Variants in CST1 observed in about 807,000 individuals in gnomAD.
CST1 encodes the protein cystatin-SN.
CST1 carries 19 observed loss-of-function variants against 10.7 expected under a neutral mutation model. The ratio of observed to expected loss-of-function variants is 1.78; its 90% CI spans 1.24 to 2.61. The LOEUF is 2.61. CST1 is among the 30% of genes most tolerant of loss of function. The pLI is 0.00. For missense variants in CST1, 247 were observed against 178.1 expected, an observed-to-expected ratio of 1.39 and a Z score of -2.20; for synonymous variants, 95 against 72.8, an observed-to-expected ratio of 1.31 and a Z score of -1.55.
In CST1 at chr20:23,747,784, G is replaced by A. The variant is rs761064278; in HGVS notation, c.*32C>T. ...AGCACTACAGGGGGTGGGAGTGGGT[G>A]GTGGCTGGTGCGAATGGCCTGGCAC... On this transcript the variant is annotated 3_prime_UTR_variant, in exon 3 of 3. Transcript: ENST00000304749. The A allele has an allele frequency of 2.5e-6, 4 of 1,603,070 alleles. No individual in the cohort carries two copies. The highest frequency in any genetic ancestry group is 3.4e-6 in the Non-Finnish European group (4 of 1,170,586).
At chr20:23,750,437 G>T (rs942759164) in intron 1 of CST1, among the ~76,000 whole-genome samples, 2 of 152,246 alleles carry the variant, frequency 1.3e-5, no homozygotes, top group African/African-American at 4.8e-5. Flanking sequence ...AGTGGCTGCT[G>T]CAGGTTAAAG....
At chr20:23,749,892 G>A (rs1300453692) in intron 1 of CST1, among the ~76,000 whole-genome samples, 1 of 147,458 alleles carries the variant, frequency 6.8e-6, no homozygotes, top group African/African-American at 2.5e-5. Context: ...AGCCCCAGCT[G>A]ACAGCTGCAA....
At chr20:23,750,121 C>A (rs1263608454) in intron 1 of CST1, among the ~76,000 whole-genome samples, 1 of 152,020 alleles carries the variant, frequency 6.6e-6, no homozygotes, top group Non-Finnish European at 1.5e-5. Flanking sequence ...CTGGTAGAGG[C>A]AGGGTCAGGC....
chr20:23,749,156 G>A lies in CST1; in HGVS notation c.229-27C>T, dbSNP rs200524765. ...TGCACACAGGAGAAAACAGGACAGCGCCCCCATCAGTTCATGCACTCACAG... is the reference window on the plus strand; with the variant it reads ...TGCACACAGGAGAAAACAGGACAGCACCCCCATCAGTTCATGCACTCACAG... On this transcript the variant is annotated intron_variant, in intron 1 of 2. Coordinates refer to ENST00000304749, the MANE Select transcript of CST1 (RefSeq NM_001898.3). 5.0e-4 allele frequency: 812 copies of A among 1,609,548 alleles called. 4 individuals carry two copies. The highest frequency in any genetic ancestry group is 5.1e-4 in the South Asian group (46 of 90,900).
chr20:23,748,497 G>C (rs4343536), intron 2 of CST1, among the ~76,000 whole-genome samples: 111,511 of 151,998 alleles, frequency 0.73, 41,638 homozygotes, highest in African/African-American at 0.87. Context: ...GGTGCCTGAG[G>C]CTGGGATTAG....
At position 23,750,372 on chromosome 20, in the gene CST1, G is replaced by T. The variant is rs971950976; in HGVS notation, c.228+267C>A. Among the ~76,000 whole-genome samples, 9 of 152,300 alleles carry T rather than the reference G, an allele frequency of 5.9e-5. No individual in the cohort carries two copies. In the South Asian group the frequency reaches 1.0e-3, roughly 18 times the overall value. On this transcript the variant is annotated intron_variant, in intron 1 of 2. Transcript: ENST00000304749. ...ATCAAGCCCACCCAGAGTAAGCACA[G>T]TCTCCATCCACACCTGCTGGACCCT...
In CST1 at chr20:23,750,842, G is replaced by T; in HGVS notation, c.25C>A (p.Leu9Met). The T allele has an allele frequency of 6.2e-7, 1 of 1,613,254 alleles. No homozygotes were observed. Among genetic ancestry groups the T allele is most frequent in the Non-Finnish European group, 8.5e-7 (1 of 1,179,610 alleles). Reference sequence around the variant, plus strand: ...ACAGCTAGGGTGGCCAGCAGGAGCAGCAGGGTACTCAGATACTGGGCCATG... The same window carrying T: ...ACAGCTAGGGTGGCCAGCAGGAGCATCAGGGTACTCAGATACTGGGCCATG... MAQYLSTL[L>M]LLLATLAVAL... The change falls in exon 1 of 3, where the codon CTG becomes ATG. Residue 9 changes from leucine to methionine, a missense_variant. By Grantham distance (15) the Leu-to-Met change is conservative. Transcript: ENST00000304749.
chr20:23,750,881 C>A lies in CST1; in HGVS notation c.-15G>T, dbSNP rs571670080. On this transcript the variant is annotated 5_prime_UTR_variant, in exon 1 of 3. Transcript: ENST00000304749. ...TACTGGGCCATGGTCTCCTCAGAGGCAGAGCACAAAGCTGGAGCTGCAGGA... is the reference window on the plus strand; with the variant it reads ...TACTGGGCCATGGTCTCCTCAGAGGAAGAGCACAAAGCTGGAGCTGCAGGA... The A allele has an allele frequency of 6.3e-7, 1 of 1,593,186 alleles. No homozygotes were observed. Among genetic ancestry groups the A allele is most frequent in the South Asian group, 1.1e-5 (1 of 88,576 alleles).
chr20:23,749,934 G>C (rs1484798244), intron 1 of CST1, among the ~76,000 whole-genome samples: 2 of 150,748 alleles, frequency 1.3e-5, no homozygotes, highest in Non-Finnish European at 1.5e-5. Flanking sequence ...GGATTCCTTT[G>C]AATTTCCAGG....
At position 23,750,738 on chromosome 20, in the gene CST1, C is replaced by A. The variant is rs140613927; in HGVS notation, c.129G>T (p.Trp43Cys). 1 of 1,614,144 alleles carries A rather than the reference C, an allele frequency of 6.2e-7. No homozygotes were observed. The highest frequency in any genetic ancestry group is 1.7e-5 in the Admixed American group (1 of 60,028). Residue 43 changes from tryptophan (W) to cysteine (C), a missense_variant, in exon 1 of 3, where the codon TGG becomes TGT. Physicochemically the swap from Trp to Cys is radical, Grantham distance 215. Transcript: ENST00000304749. ...TGGCGAAGTGAAGGGCACGCTGTAC[C>A]CACTCATCATTGAGGTCTGCGTTAT... ...GIYNADLNDE[W>C]VQRALHFAIS...
intron 2 of CST1, 121 bp from the exon 3 acceptor site, chr20:23,748,020 A>C: frequency 1.1e-6 from 1 of 919,914 alleles, no homozygotes; most frequent in Non-Finnish European, 1.7e-6. Context: ...GCCCTCACCC[A>C]CCCCTACTGA....
chr20:23,748,535 A>C (rs899241406), intron 2 of CST1, among the ~76,000 whole-genome samples: 3 of 152,110 alleles, frequency 2.0e-5, no homozygotes, highest in African/African-American at 7.2e-5. Context: ...TGCCCAGCAC[A>C]CAGCCGCACA....
chr20:23,750,150 G>C lies in CST1; in HGVS notation c.228+489C>G, dbSNP rs1286294686. 2.6e-5 allele frequency among the ~76,000 whole-genome samples: 4 copies of C among 152,204 alleles called. No homozygotes were observed. In the East Asian group the frequency reaches 7.8e-4, roughly 29 times the overall value. The stretch of plus-strand genomic sequence containing the variant: ...GTCAGGCATGCTCCACCCCAGCAGG[G>C]ACTCAGCGCCCTGGGCTGTAGGGGT... On this transcript the variant is annotated intron_variant, in intron 1 of 2. Transcript: ENST00000304749.
chr20:23,749,183 C>T (rs1380150693), intron 1 of CST1, 54 bp from the exon 2 acceptor site: 4 of 1,548,912 alleles, frequency 2.6e-6, no homozygotes, highest in Non-Finnish European at 1.8e-6. Context: ...CACTCACAGG[C>T]ACTTCACTGT....
Position 23,747,814 on chromosome 20 carries a change from C to T in CST1, c.*2G>A, listed in dbSNP as rs1422387009. Reference sequence around the variant, plus strand: ...CTGGTGCGAATGGCCTGGCACAGATCCCTAGGATTCTTGACACCTGGATTT... The same window carrying T: ...CTGGTGCGAATGGCCTGGCACAGATTCCTAGGATTCTTGACACCTGGATTT... On this transcript the variant is annotated 3_prime_UTR_variant, in exon 3 of 3. Transcript: ENST00000304749. 1.2e-6 allele frequency: 2 copies of T among 1,613,698 alleles called. No individual in the cohort carries two copies. The highest frequency in any genetic ancestry group is 2.7e-5 in the African/African-American group (2 of 75,024).
chr20:23,748,997 A>G lies in CST1; in HGVS notation c.342+19T>C. Reference sequence around the variant, plus strand: ...CTCTGCAGTGCATGACTGGCCCGGGACCTGCATCAGGAACGTACCTTCTGC... The same window carrying G: ...CTCTGCAGTGCATGACTGGCCCGGGGCCTGCATCAGGAACGTACCTTCTGC... On this transcript the variant is annotated intron_variant, in intron 2 of 2. Transcript: ENST00000304749. 1 of 1,614,128 alleles carries G rather than the reference A, an allele frequency of 6.2e-7. No homozygotes were observed. Among genetic ancestry groups the G allele is most frequent in the South Asian group, 1.1e-5 (1 of 91,074 alleles).
chr20:23,750,203 G>A (rs909994515), intron 1 of CST1, among the ~76,000 whole-genome samples: 11 of 152,250 alleles, frequency 7.2e-5, no homozygotes, highest in East Asian at 1.9e-4. Context: ...GGTGAAGGCC[G>A]CTAGCCATAA....
At chr20:23,749,200 G>A in intron 1 of CST1, 71 bp from the exon 2 acceptor site, 1 of 1,342,560 alleles carries the variant, frequency 7.4e-7, no homozygotes, top group East Asian at 2.3e-5. Flanking sequence ...CTGTGGCTGA[G>A]TCACTGGACT....
At chr20:23,748,023 C>A (rs935112598) in intron 2 of CST1, 124 bp from the exon 3 acceptor site, 18 of 887,354 alleles carry the variant, frequency 2.0e-5, no homozygotes, top group Middle Eastern at 2.1e-4. Context: ...CTCACCCACC[C>A]CTACTGAGTC....
Sources: allele counts gnomAD v4.1 joint callset (sites outside exome capture counted in the v4.1 genomes callset), GRCh38; gene constraint gnomAD v4.1.1; transcripts MANE v1.5; gene names NCBI Gene and HGNC (gene_info 2026-07-23, HGNC 2026-07-21).